MDGA2: variants seen among roughly 807,000 people sequenced by gnomAD.
MDGA2 encodes the protein MAM domain-containing glycosylphosphatidylinositol anchor protein 2.
In MDGA2, 40 loss-of-function variants were observed where a neutral mutation model predicts 117.8. That is an observed-to-expected ratio of 0.34 (90% CI 0.26 to 0.44). The LOEUF is 0.44. MDGA2 is among the 20% of genes least tolerant of loss of function. The pLI is 1.00. For missense variants in MDGA2, 1,123 were observed against 1,250.6 expected (o/e 0.90, Z 1.54); for synonymous variants, 452 against 439.0 (o/e 1.03, Z -0.37).
intron 1 of MDGA2, among the ~76,000 whole-genome samples, chr14:47,591,783 CA>C (rs1896444441): frequency 6.6e-6 from 1 of 151,962 alleles, no homozygotes; most frequent in Non-Finnish European, 1.5e-5. Flanking sequence ...TAACATATGT[CA>C]AAATAATAAG....
intron 1 of MDGA2, among the ~76,000 whole-genome samples, chr14:47,305,730 C>T (rs1889421704): frequency 6.6e-6 from 1 of 152,114 alleles, no homozygotes; most frequent in Non-Finnish European, 1.5e-5. Context: ...GCTGCACCTG[C>T]TAAAGGCTTA....
chr14:47,074,392 G>A (rs1396996499), intron 6 of MDGA2, among the ~76,000 whole-genome samples: 3 of 151,458 alleles, frequency 2.0e-5, no homozygotes, highest in Middle Eastern at 6.8e-3. Flanking sequence ...TGCAAGCTCC[G>A]ACTTCACGCC....
chr14:47,070,262 G>C (rs1222614393), intron 6 of MDGA2, among the ~76,000 whole-genome samples: 1 of 151,854 alleles, frequency 6.6e-6, no homozygotes. Flanking sequence ...CTGTTACATA[G>C]ATTTATTTTT....
chr14:46,875,643 T>C (rs765826254), intron 12 of MDGA2, among the ~76,000 whole-genome samples: 27 of 151,866 alleles, frequency 1.8e-4, no homozygotes, highest in Non-Finnish European at 3.7e-4. Context: ...AGTGTAGCAG[T>C]GTATGCATTT....
intron 1 of MDGA2, among the ~76,000 whole-genome samples, chr14:47,638,999 T>C (rs1897372728): frequency 6.6e-6 from 1 of 152,162 alleles, no homozygotes; most frequent in South Asian, 2.1e-4. Context: ...CAGCATTTCC[T>C]CACCCTGCAA....
chr14:46,878,924 C>T (rs1882337795), intron 11 of MDGA2, among the ~76,000 whole-genome samples: 1 of 152,026 alleles, frequency 6.6e-6, no homozygotes, highest in Non-Finnish European at 1.5e-5. Flanking sequence ...ATTTAATTCA[C>T]CAAATTCACT....
At chr14:46,999,210 A>G (rs1269556224) in intron 8 of MDGA2, among the ~76,000 whole-genome samples, 1 of 150,314 alleles carries the variant, frequency 6.7e-6, no homozygotes, top group African/African-American at 2.4e-5. Flanking sequence ...ACAGCAGGTA[A>G]AAAAAAAAGC....
chr14:47,607,286 T>C (rs771651020), intron 1 of MDGA2, among the ~76,000 whole-genome samples: 4 of 152,150 alleles, frequency 2.6e-5, no homozygotes, highest in African/African-American at 9.7e-5. Flanking sequence ...ATAAAGTGCA[T>C]ATTTACAAAG....
intron 1 of MDGA2, among the ~76,000 whole-genome samples, chr14:47,472,385 A>G (rs1893746354): frequency 6.6e-6 from 1 of 152,194 alleles, no homozygotes; most frequent in African/African-American, 2.4e-5. Context: ...CTAGGCTACA[A>G]ATCTGTGCAG....
At chr14:47,100,746 A>T (rs1430160028) in intron 5 of MDGA2, among the ~76,000 whole-genome samples, 1 of 152,186 alleles carries the variant, frequency 6.6e-6, no homozygotes, top group African/African-American at 2.4e-5. Flanking sequence ...AAAAAGAGGG[A>T]AACTTTCTGA....
At chr14:47,288,191 C>T (rs72682111) in intron 2 of MDGA2, among the ~76,000 whole-genome samples, 22,471 of 152,154 alleles carry the variant, frequency 0.15, 1,872 homozygotes, top group Middle Eastern at 0.22. Flanking sequence ...TTAGACTCCA[C>T]GGATGTTAGC....
At chr14:47,426,294 T>C (rs1892687779) in intron 1 of MDGA2, among the ~76,000 whole-genome samples, 1 of 152,084 alleles carries the variant, frequency 6.6e-6, no homozygotes, top group Admixed American at 6.6e-5. Context: ...TAATGGTGAT[T>C]TTTTTTACTT....
chr14:46,921,211 T>G (rs1175921214), intron 9 of MDGA2, among the ~76,000 whole-genome samples: 1 of 152,208 alleles, frequency 6.6e-6, no homozygotes, highest in African/African-American at 2.4e-5. Flanking sequence ...ATTACATTTT[T>G]TTTCCAGACT....
intron 1 of MDGA2, among the ~76,000 whole-genome samples, chr14:47,455,515 T>C (rs558677046): frequency 2.0e-5 from 3 of 151,570 alleles, no homozygotes; most frequent in East Asian, 3.9e-4. Flanking sequence ...CAAAAAAGCA[T>C]AGGGGAAGAA....
chr14:47,269,081 G>T (rs1888060293), intron 2 of MDGA2, among the ~76,000 whole-genome samples: 1 of 152,112 alleles, frequency 6.6e-6, no homozygotes, highest in East Asian at 1.9e-4. Flanking sequence ...CCAATGGTAG[G>T]ACTTGGCATT....
At chr14:46,879,548 A>G (rs1213343639) in intron 11 of MDGA2, among the ~76,000 whole-genome samples, 1 of 152,190 alleles carries the variant, frequency 6.6e-6, no homozygotes, top group Non-Finnish European at 1.5e-5. Context: ...TAAAAGTAAT[A>G]TCTATTTCCT....
chr14:47,067,771 AAAT>A (rs1240618823), intron 6 of MDGA2, among the ~76,000 whole-genome samples: 21 of 152,234 alleles, frequency 1.4e-4, no homozygotes, highest in Non-Finnish European at 1.3e-4. Context: ...TTGCTTGAAG[AAAT>A]AATAATTTGA....
intron 8 of MDGA2, among the ~76,000 whole-genome samples, chr14:46,978,609 C>T (rs898823148): frequency 6.6e-6 from 1 of 151,944 alleles, no homozygotes; most frequent in African/African-American, 2.4e-5. Context: ...TCCTTTATAT[C>T]AAATAACTGT....
intron 2 of MDGA2, among the ~76,000 whole-genome samples, chr14:47,251,004 TC>T (rs1887427661): frequency 6.6e-6 from 1 of 152,188 alleles, no homozygotes; most frequent in Admixed American, 6.5e-5. Context: ...CATTCTTTCT[TC>T]CCCTGTGGTC....
Sources: gnomAD v4.1 joint callset for allele counts (sites outside exome capture counted in the v4.1 genomes callset) on GRCh38, gnomAD v4.1.1 for gene constraint, MANE v1.5 for transcripts, NCBI Gene and HGNC (gene_info 2026-07-23, HGNC 2026-07-21) for gene names.